SLC67A1: variants seen among roughly 807,000 people sequenced by gnomAD.
SLC67A1 encodes solute carrier family 67 member A1.
chr11:2,902,840 G>A, the SLC67A1 span: 1 of 720,266 alleles, frequency 1.4e-6, no homozygotes, highest in Non-Finnish European at 1.7e-6. Context: ...TTCCCTGAGA[G>A]CTGCACTGTG....
At chr11:2,909,300 G>A in the SLC67A1 span, 22 of 1,534,196 alleles carry the variant, frequency 1.4e-5, no homozygotes, top group Middle Eastern at 2.0e-4. Context: ...GCCCTGCCCG[G>A]GGTCTACCTG....
the SLC67A1 span, chr11:2,922,286 C>T: frequency 6.6e-7 from 1 of 1,506,974 alleles, no homozygotes; most frequent in South Asian, 1.1e-5. Flanking sequence ...GTGCTTAAGC[C>T]CTTGGGGACT....
At chr11:2,908,371 C>A in the SLC67A1 span, 1 of 1,464,216 alleles carries the variant, frequency 6.8e-7, no homozygotes, top group East Asian at 2.4e-5. Flanking sequence ...CCACAGTGAC[C>A]CAGGCCCCCT....
chr11:2,908,272 G>T, the SLC67A1 span: 5,127 of 1,613,814 alleles, frequency 3.2e-3, 19 homozygotes, highest in Middle Eastern at 8.9e-3. Flanking sequence ...CATTGCCTTC[G>T]GCTACCTGCA....
the SLC67A1 span, chr11:2,916,721 C>T: frequency 1.0e-3 from 1,632 of 1,612,990 alleles, 27 homozygotes; most frequent in East Asian, 0.027. Flanking sequence ...CCAAAACTGA[C>T]GCCCAGGCTC....
At chr11:2,916,919 T>C in the SLC67A1 span, 4 of 600,716 alleles carry the variant, frequency 6.7e-6, no homozygotes. Flanking sequence ...AAGTGAGGTG[T>C]GGTCATGAAG....
chr11:2,899,693 T>C, the SLC67A1 span: 2 of 1,512,918 alleles, frequency 1.3e-6, no homozygotes, highest in South Asian at 1.2e-5. Flanking sequence ...AACCAGGAAG[T>C]TCCCCCATTC....
At chr11:2,925,051 C>T in the SLC67A1 span, 17 of 1,613,446 alleles carry the variant, frequency 1.1e-5, no homozygotes, top group Middle Eastern at 1.7e-4. This position sits in a 1 kb window ranked among gnomAD's most constrained non-coding sequence, Gnocchi z 6.5. Context: ...ACCACTGCTC[C>T]GAACTCTGGG....
At chr11:2,910,606 T>G in the SLC67A1 span, among the ~76,000 whole-genome samples, 1 of 151,392 alleles carries the variant, frequency 6.6e-6, no homozygotes, top group African/African-American at 2.4e-5. Context: ...GAATGGGGGG[T>G]GAGCTCCCCT....
the SLC67A1 span, among the ~76,000 whole-genome samples, chr11:2,908,072 G>A: frequency 3.9e-5 from 6 of 152,126 alleles, no homozygotes; most frequent in Non-Finnish European, 7.4e-5. Context: ...AGGAGAAGAG[G>A]AGCAGGGTCC....
chr11:2,908,369 AC>A, the SLC67A1 span: 1 of 1,475,430 alleles, frequency 6.8e-7, no homozygotes. Flanking sequence ...CCCCACAGTG[AC>A]CCAGGCCCCC....
the SLC67A1 span, among the ~76,000 whole-genome samples, chr11:2,907,221 C>CG: frequency 1.5e-5 from 2 of 137,420 alleles, no homozygotes; most frequent in South Asian, 4.5e-4. The surrounding 1 kb of genome is among the most constrained non-coding windows in gnomAD (Gnocchi z 6.7). Context: ...GGGGAGGGGG[C>CG]GGGGGCGGTG....
chr11:2,919,217 C>A, the SLC67A1 span: 1 of 910,794 alleles, frequency 1.1e-6, no homozygotes, highest in Non-Finnish European at 1.8e-6. Context: ...CCCAGACACC[C>A]TGATTGGCCA....
At chr11:2,909,903 A>G in the SLC67A1 span, 13 of 575,588 alleles carry the variant, frequency 2.3e-5, no homozygotes, top group South Asian at 3.1e-4. Context: ...GGCCCTGGAT[A>G]GGGCCAGGTG....
chr11:2,915,001 C>T, the SLC67A1 span: 1 of 985,314 alleles, frequency 1.0e-6, no homozygotes, highest in African/African-American at 1.7e-5. Context: ...ACCCCAGCAG[C>T]CAGAAAACCT....
chr11:2,901,311 C>CCCTGGT, the SLC67A1 span, among the ~76,000 whole-genome samples: 3 of 152,152 alleles, frequency 2.0e-5, no homozygotes, highest in African/African-American at 7.2e-5. Flanking sequence ...CTGGCTCTGG[C>CCCTGGT]CCCCCTGCCC....
the SLC67A1 span, chr11:2,909,189 C>T: frequency 5.3e-6 from 8 of 1,508,090 alleles, no homozygotes; most frequent in Non-Finnish European, 7.1e-6. Flanking sequence ...CGCCCCTCGG[C>T]CCCCAGGTTC....
At chr11:2,913,028 C>T in the SLC67A1 span, among the ~76,000 whole-genome samples, 55 of 152,212 alleles carry the variant, frequency 3.6e-4, no homozygotes, top group African/African-American at 1.2e-3. Context: ...GTGTCCCATA[C>T]GACCCAGGGC....
the SLC67A1 span, among the ~76,000 whole-genome samples, chr11:2,900,834 G>A: frequency 1.6e-4 from 25 of 152,170 alleles, no homozygotes; most frequent in African/African-American, 5.1e-4. Flanking sequence ...AAGGGGAAGC[G>A]CAGCGAGGGC....
Sources: allele counts gnomAD v4.1 joint callset (sites outside exome capture counted in the v4.1 genomes callset), GRCh38; gene constraint gnomAD v4.1.1; non-coding constraint Gnocchi (gnomAD v3.1); transcripts MANE v1.5; gene names NCBI Gene and HGNC (gene_info 2026-07-23, HGNC 2026-07-21).